PARD3B: variants seen among roughly 807,000 people sequenced by gnomAD.
PARD3B encodes par-3 family cell polarity regulator beta, also known as partitioning defective 3 homolog B.
A neutral mutation model predicts 130.2 loss-of-function variants in PARD3B; 103 were observed. The ratio of observed to expected loss-of-function variants is 0.79; its 90% confidence interval spans 0.67 to 0.93. PARD3B has a LOEUF of 0.93. Ranked by LOEUF, PARD3B falls within the 40% of genes least tolerant of loss-of-function variation. The pLI is 0.00. For missense variants in PARD3B, 1,609 were observed against 1,499.2 expected (o/e 1.07, Z -1.21); for synonymous variants, 583 against 553.2 (o/e 1.05, Z -0.76).
At chr2:205,106,523 GTGTGTGTA>G (rs1412206974) in intron 5 of PARD3B, among the ~76,000 whole-genome samples, 2 of 61,332 alleles carry the variant, frequency 3.3e-5, no homozygotes, top group African/African-American at 1.1e-4. Context: ...GTGTGTGTGT[GTGTGTGTA>G]TATTTGATTA....
intron 18 of PARD3B, among the ~76,000 whole-genome samples, chr2:205,317,635 C>T (rs2042606229): frequency 6.6e-6 from 1 of 152,142 alleles, no homozygotes; most frequent in South Asian, 2.1e-4. Flanking sequence ...TCTGATCCTT[C>T]CTCTCTCTTC....
rs7560122 is a variant in PARD3B, at chr2:204,935,488, A to G, written c.223-29664A>G. Reference sequence around the variant, plus strand: ...CGGGAGGTGGAGCTTGCAGTGAGCCAAGATGGCGCCACTGTACTCCAGCCT... The same window carrying G: ...CGGGAGGTGGAGCTTGCAGTGAGCCGAGATGGCGCCACTGTACTCCAGCCT... On this transcript the variant is annotated intron_variant, in intron 2 of 22. Transcript: ENST00000406610. Among the ~76,000 whole-genome samples the G allele has an allele frequency of 2.7e-3, 401 of 150,400 alleles. 2 individuals are homozygous for G. The highest frequency in any genetic ancestry group is 9.3e-3 in the South Asian group (44 of 4,718).
chr2:204,700,662 G>A (rs369070331), intron 2 of PARD3B, among the ~76,000 whole-genome samples: 11 of 152,004 alleles, frequency 7.2e-5, no homozygotes, highest in African/African-American at 2.7e-4. Context: ...TTACTTTGGG[G>A]CAATGCCAGT....
At chr2:205,360,351 G>C (rs943599490) in intron 18 of PARD3B, among the ~76,000 whole-genome samples, 1 of 151,910 alleles carries the variant, frequency 6.6e-6, no homozygotes, top group Non-Finnish European at 1.5e-5. Context: ...TCATTTTATA[G>C]TAATCAAGTA....
At chr2:204,730,584 A>G (rs1221580140) in intron 2 of PARD3B, among the ~76,000 whole-genome samples, 47 of 134,678 alleles carry the variant, frequency 3.5e-4, no homozygotes, top group African/African-American at 1.4e-3. Context: ...AAAAAAAAAA[A>G]GAAAAAAAAA....
chr2:205,578,360 TA>T (rs1213530646), intron 22 of PARD3B, among the ~76,000 whole-genome samples: 1 of 152,174 alleles, frequency 6.6e-6, no homozygotes, highest in African/African-American at 2.4e-5. Flanking sequence ...CATGCACATT[TA>T]AAGAACAAGA....
chr2:204,591,621 A>C (rs2033076992), intron 1 of PARD3B, among the ~76,000 whole-genome samples: 1 of 152,198 alleles, frequency 6.6e-6, no homozygotes. Context: ...ATAGTAGAAG[A>C]ATGTCCTTTG....
chr2:205,057,414 T>A (rs1175237725), intron 4 of PARD3B, among the ~76,000 whole-genome samples: 1 of 136,850 alleles, frequency 7.3e-6, no homozygotes, highest in African/African-American at 2.6e-5. Flanking sequence ...TATATACATA[T>A]ACATATATAC....
chr2:204,766,973 T>A (rs1292699781), intron 2 of PARD3B, among the ~76,000 whole-genome samples: 1 of 139,178 alleles, frequency 7.2e-6, no homozygotes, highest in African/African-American at 2.6e-5. Flanking sequence ...TTCTTTTTTT[T>A]TTTTTTTCAC....
intron 21 of PARD3B, among the ~76,000 whole-genome samples, chr2:205,514,829 A>C (rs1463675433): frequency 1.3e-5 from 1 of 79,638 alleles, no homozygotes; most frequent in African/African-American, 4.0e-5. Flanking sequence ...TTTTTCTTAC[A>C]GTTCTTTTTT....
intron 20 of PARD3B, among the ~76,000 whole-genome samples, chr2:205,448,912 A>G (rs370295617): frequency 1.5e-4 from 23 of 152,274 alleles, no homozygotes; most frequent in African/African-American, 5.5e-4. Flanking sequence ...CAAGCCTGTA[A>G]TCCCAGCACT....
intron 2 of PARD3B, among the ~76,000 whole-genome samples, chr2:204,691,020 A>G (rs2037328982): frequency 6.6e-6 from 1 of 152,088 alleles, no homozygotes; most frequent in Non-Finnish European, 1.5e-5. Flanking sequence ...AATTATTTCA[A>G]AGTCACAGAC....
intron 18 of PARD3B, among the ~76,000 whole-genome samples, chr2:205,313,322 A>C (rs1574671315): frequency 6.6e-6 from 1 of 152,190 alleles, no homozygotes; most frequent in East Asian, 1.9e-4. Context: ...ATCTGAGTTT[A>C]ATAATATTTT....
intron 21 of PARD3B, among the ~76,000 whole-genome samples, chr2:205,532,679 G>A (rs1308092120): frequency 6.6e-6 from 1 of 152,126 alleles, no homozygotes; most frequent in Non-Finnish European, 1.5e-5. Context: ...CCTGTGATCA[G>A]GAGGGCAAAA....
At chr2:205,089,142 C>T (rs1384413742) in intron 4 of PARD3B, among the ~76,000 whole-genome samples, 1 of 117,488 alleles carries the variant, frequency 8.5e-6, no homozygotes, top group African/African-American at 2.9e-5. Context: ...TTTTTTTTTT[C>T]TTTCTTTTTT....
At chr2:205,289,304 TC>T (rs2041514396) in intron 16 of PARD3B, among the ~76,000 whole-genome samples, 2 of 152,096 alleles carry the variant, frequency 1.3e-5, no homozygotes, top group South Asian at 4.1e-4. Context: ...GCAGAAATCC[TC>T]TTGCCATTCT....
At chr2:205,163,278 G>C (rs887623074) in intron 11 of PARD3B, among the ~76,000 whole-genome samples, 21 of 152,046 alleles carry the variant, frequency 1.4e-4, no homozygotes, top group African/African-American at 4.8e-4. Flanking sequence ...GATTGTTTAG[G>C]GGCTGCTAAA....
At chr2:205,431,436 T>C (rs528271956) in intron 19 of PARD3B, among the ~76,000 whole-genome samples, 1 of 152,240 alleles carries the variant, frequency 6.6e-6, no homozygotes, top group African/African-American at 2.4e-5. Context: ...ATTGTGCTAT[T>C]ATCCTACTTT....
intron 20 of PARD3B, among the ~76,000 whole-genome samples, chr2:205,499,514 A>T (rs977911996): frequency 6.6e-6 from 1 of 152,102 alleles, no homozygotes; most frequent in Non-Finnish European, 1.5e-5. Context: ...AAACAACTGG[A>T]GCTTTGTCCC....
Sources: gnomAD v4.1 joint callset for allele counts (sites outside exome capture counted in the v4.1 genomes callset) on GRCh38, gnomAD v4.1.1 for gene constraint, MANE v1.5 for transcripts, NCBI Gene and HGNC (gene_info 2026-07-23, HGNC 2026-07-21) for gene names.